Variants in PLEKHA6 observed in about 807,000 individuals in gnomAD.
PLEKHA6 encodes pleckstrin homology domain containing A6.
Under a neutral mutation model 116.7 loss-of-function variants are expected in PLEKHA6, and 60 were observed. The observed-to-expected ratio is 0.51, with a 90% CI of 0.42 to 0.64. The LOEUF (loss-of-function observed/expected upper bound fraction) is 0.64. Among genes scored for constraint, PLEKHA6 ranks in the 30% least tolerant of loss-of-function variants. The probability of loss-of-function intolerance (pLI) is 0.00; values close to 1 mark genes in which losing one functional copy is unlikely to be tolerated. For missense variants in PLEKHA6, 1,338 were observed against 1,422.7 expected (o/e 0.94, Z 0.96); for synonymous variants, 489 against 556.1 (o/e 0.88, Z 1.70).
intron 18 of PLEKHA6, 67 bp downstream of exon 18, chr1:204,230,346 T>G: frequency 7.6e-7 from 1 of 1,316,064 alleles, no homozygotes; most frequent in Non-Finnish European, 1.0e-6. Flanking sequence ...AAGCTGGCCA[T>G]GCCCTGGGAG....
chr1:204,259,219 T>C lies in PLEKHA6; in HGVS notation c.1007+39A>G. 1 of 1,600,100 alleles carries C rather than the reference T, an allele frequency of 6.2e-7. No homozygotes were observed. The highest frequency in any genetic ancestry group is 8.5e-7 in the Non-Finnish European group (1 of 1,174,754). ...CCCCACTCGCACGCTCTAGCCATAA[T>C]ACCATATCAGCCCCACCCCAGCCGC... On this transcript the variant is annotated intron_variant, in intron 8 of 22. Transcript: ENST00000272203. This position sits in a 1 kb window ranked among gnomAD's most constrained non-coding sequence, Gnocchi z 4.6.
chr1:204,301,328 G>T, intron 1 of PLEKHA6: 1 of 949,206 alleles, frequency 1.1e-6, no homozygotes. Flanking sequence ...GCCTGGAGCT[G>T]GCTCCTGGGA....
chr1:204,370,097 C>G (rs1011585174), intron 2 of PLEKHA6, among the ~76,000 whole-genome samples: 2 of 152,362 alleles, frequency 1.3e-5, no homozygotes, highest in Admixed American at 6.5e-5. Flanking sequence ...TCAGATCTCT[C>G]TGCCTCCAAA....
Position 204,248,809 on chromosome 1 carries a change from T to C in PLEKHA6, c.1824+12A>G, listed in dbSNP as rs934245223. The C allele has an allele frequency of 4.3e-6, 7 of 1,612,588 alleles. No individual in the cohort carries two copies. The highest frequency in any genetic ancestry group is 5.9e-6 in the Non-Finnish European group (7 of 1,179,422). The stretch of plus-strand genomic sequence containing the variant: ...ATGAGGTGGGGTGCACGAACCCCGC[T>C]CCCTGGGTTACCGTGGTCGCCTGAG... On this transcript the variant is annotated intron_variant, in intron 12 of 22. Transcript: ENST00000272203.
At chr1:204,279,726 T>C (rs1668402303) in intron 1 of PLEKHA6, among the ~76,000 whole-genome samples, 1 of 152,098 alleles carries the variant, frequency 6.6e-6, no homozygotes, top group Admixed American at 6.5e-5. Context: ...GTGCCATCAG[T>C]GGAAACAAAC....
intron 6 of PLEKHA6, among the ~76,000 whole-genome samples, chr1:204,264,015 G>A (rs759721657): frequency 6.6e-6 from 1 of 152,144 alleles, no homozygotes; most frequent in Non-Finnish European, 1.5e-5. Flanking sequence ...GGAAGGGACA[G>A]AGTCCCTTCT....
intron 1 of PLEKHA6, chr1:204,280,989 C>T (rs1668533811): frequency 9.1e-6 from 9 of 984,510 alleles, no homozygotes; most frequent in Non-Finnish European, 8.4e-6. Context: ...GCCCTGGCAG[C>T]ACTTCTAGGT....
At chr1:204,252,074 G>A (rs1168029090) in intron 9 of PLEKHA6, among the ~76,000 whole-genome samples, 1 of 151,600 alleles carries the variant, frequency 6.6e-6, no homozygotes, top group African/African-American at 2.4e-5. Context: ...CAGATACAGA[G>A]GCCTGCCCCC....
At chr1:204,294,626 C>T (rs888946413) in intron 1 of PLEKHA6, among the ~76,000 whole-genome samples, 3 of 152,282 alleles carry the variant, frequency 2.0e-5, no homozygotes, top group South Asian at 2.1e-4. Flanking sequence ...GAGTTGAATC[C>T]GCATTAGCCT....
chr1:204,372,194 T>G (rs767814789), intron 1 of PLEKHA6, among the ~76,000 whole-genome samples: 2 of 152,222 alleles, frequency 1.3e-5, no homozygotes, highest in Non-Finnish European at 2.9e-5. Context: ...TTCAGAGAAG[T>G]TAAGAAATTT....
At chr1:204,301,322 G>A (rs954146884) in intron 1 of PLEKHA6, 1 of 958,314 alleles carries the variant, frequency 1.0e-6, no homozygotes, top group African/African-American at 1.8e-5. Context: ...CCTGCAGCCT[G>A]GAGCTGGCTC....
rs1358677232 is a variant in PLEKHA6, at chr1:204,219,849, G to A, written c.*2939C>T. On this transcript the variant is annotated 3_prime_UTR_variant, in exon 23 of 23. Coordinates refer to ENST00000272203, the MANE Select transcript of PLEKHA6 (RefSeq NM_014935.5). ...GGGTAAAGTCCCGGGGGTTTCTTGG[G>A]TGAGGTTGAGATGCCACCTTGTCTG... 2.0e-5 allele frequency: 3 copies of A among 152,296 alleles called. No homozygotes were observed. The highest frequency in any genetic ancestry group is 7.2e-5 in the African/African-American group (3 of 41,432). The allele number at this position is 152,296 out of a possible 1,614,324, so 9.4% of individuals were successfully genotyped here. A position where few individuals can be genotyped will look rare whatever the true frequency, so the allele number is the denominator to read the frequency against.
chr1:204,246,268 C>T (rs1012028650), intron 13 of PLEKHA6, among the ~76,000 whole-genome samples: 5 of 152,160 alleles, frequency 3.3e-5, no homozygotes, highest in Admixed American at 6.5e-5. Context: ...TAACTCATTT[C>T]GGCTGCATGA....
intron 21 of PLEKHA6, among the ~76,000 whole-genome samples, chr1:204,224,076 T>C (rs1026455899): frequency 1.3e-5 from 2 of 152,170 alleles, no homozygotes; most frequent in African/African-American, 4.8e-5. Context: ...CAGAGATTTC[T>C]AATAAACTTA....
chr1:204,283,883 C>T lies in PLEKHA6; in HGVS notation c.-94-9074G>A, dbSNP rs189425490. ...CAGCCACACAAACACTGTCCACAGC[C>T]TGGCCTTTATTGCTGTGCCCCTGCC... On this transcript the variant is annotated intron_variant, in intron 1 of 22. Transcript: ENST00000272203. 3.3e-4 allele frequency among the ~76,000 whole-genome samples: 51 copies of T among 152,332 alleles called. 1 individual carries two copies. The highest frequency in any genetic ancestry group is 1.2e-3 in the African/African-American group (50 of 41,566).
chr1:204,323,941 G>A (rs1290216264), intron 1 of PLEKHA6, among the ~76,000 whole-genome samples: 1 of 152,178 alleles, frequency 6.6e-6, no homozygotes. Context: ...TGACTCCAGA[G>A]CTGTGCTCTT....
intron 1 of PLEKHA6, among the ~76,000 whole-genome samples, chr1:204,289,426 C>A (rs1669521669): frequency 6.6e-6 from 1 of 152,208 alleles, no homozygotes; most frequent in African/African-American, 2.4e-5. Context: ...CTCCTTATCA[C>A]CCCTGGTTCC....
intron 1 of PLEKHA6, among the ~76,000 whole-genome samples, chr1:204,294,046 A>G (rs1670030152): frequency 6.6e-6 from 1 of 152,216 alleles, no homozygotes; most frequent in Admixed American, 6.5e-5. Flanking sequence ...TGGTTATGCA[A>G]GAGAATGTCC....
intron 1 of PLEKHA6, chr1:204,276,929 AG>A (rs1268155689): frequency 6.5e-6 from 1 of 152,712 alleles, no homozygotes; most frequent in Non-Finnish European, 1.5e-5. Flanking sequence ...GGATCCAAGC[AG>A]GATGAGCTGC....
Sources: allele counts gnomAD v4.1 joint callset (sites outside exome capture counted in the v4.1 genomes callset), GRCh38; gene constraint gnomAD v4.1.1; non-coding constraint Gnocchi (gnomAD v3.1); transcripts MANE v1.5; gene names NCBI Gene and HGNC (gene_info 2026-07-23, HGNC 2026-07-21).